The following SPECC1L variants were observed in gnomAD, a reference collection of about 807,000 sequenced individuals.
SPECC1L encodes the protein cytospin-A.
SPECC1L carries 40 observed loss-of-function variants against 116.8 expected under a neutral mutation model. The ratio of observed to expected loss-of-function variants is 0.34; its 90% CI spans 0.27 to 0.45. The LOEUF (loss-of-function observed/expected upper bound fraction) is 0.45. SPECC1L is among the 20% of genes least tolerant of loss of function. The probability of loss-of-function intolerance (pLI) is 1.00; values close to 1 mark genes in which losing one functional copy is unlikely to be tolerated. For missense variants in SPECC1L, 1,110 were observed against 1,373.6 expected, an observed-to-expected ratio of 0.81 and a Z score of 3.03; for synonymous variants, 504 against 500.6, an observed-to-expected ratio of 1.01 and a Z score of -0.09.
chr22:24,388,400 A>G (rs888138370), intron 14 of SPECC1L, among the ~76,000 whole-genome samples: 3 of 151,116 alleles, frequency 2.0e-5, no homozygotes, highest in Non-Finnish European at 4.4e-5. Context: ...CCGTGTCCCT[A>G]CAAAGGACAT....
In SPECC1L at chr22:24,292,472, C is replaced by T. The variant is rs572459076; in HGVS notation, c.-37-9723C>T. On this transcript the variant is annotated intron_variant, in intron 2 of 16. Transcript: ENST00000314328. ...ACACATGTTATTTTTTACAAGAACTCTATAAACTAGATTTTATCAGTTCTT... is the reference window on the plus strand; with the variant it reads ...ACACATGTTATTTTTTACAAGAACTTTATAAACTAGATTTTATCAGTTCTT... Among the ~76,000 whole-genome samples the T allele has an allele frequency of 5.3e-5, 8 of 152,200 alleles. No individual in the cohort carries two copies. In the South Asian group the frequency reaches 6.2e-4, roughly 12 times the overall value.
chr22:24,280,175 G>T (rs1002264326), intron 2 of SPECC1L, among the ~76,000 whole-genome samples: 1 of 152,122 alleles, frequency 6.6e-6, no homozygotes, highest in African/African-American at 2.4e-5. Flanking sequence ...GAATTGGGGG[G>T]TAATCAGCCT....
At chr22:24,354,671 T>C (rs74991397) in intron 11 of SPECC1L, among the ~76,000 whole-genome samples, 1,505 of 140,846 alleles carry the variant, frequency 0.011, 18 homozygotes, top group African/African-American at 0.037. Context: ...CTGGTTACTC[T>C]TTTTTTTTTT....
chr22:24,416,466 A>G lies in SPECC1L; in HGVS notation c.*1843A>G, dbSNP rs953255989. On this transcript the variant is annotated 3_prime_UTR_variant, in exon 17 of 17. Transcript: ENST00000314328. Reference sequence around the variant, plus strand: ...GTTGATGGCCAGCTCTGCTGTTGGCATGAGCCACTGATGTTCATGTGAGAA... The same window carrying G: ...GTTGATGGCCAGCTCTGCTGTTGGCGTGAGCCACTGATGTTCATGTGAGAA... The G allele has an allele frequency of 6.6e-6, 1 of 152,298 alleles. No individual in the cohort carries two copies. Among genetic ancestry groups the G allele is most frequent in the Non-Finnish European group, 1.5e-5 (1 of 68,086 alleles). 9.4% of individuals were successfully genotyped at this position (152,298 alleles called of 1,614,324 possible).
chr22:24,348,054 AC>A (rs1475650257), intron 11 of SPECC1L, among the ~76,000 whole-genome samples: 2 of 151,964 alleles, frequency 1.3e-5, no homozygotes, highest in Non-Finnish European at 2.9e-5. Flanking sequence ...TCCTTCTCTT[AC>A]CCCACGCTGC....
chr22:24,340,017 T>G lies in SPECC1L; in HGVS notation c.2652+1540T>G, dbSNP rs556525326. ...CCAGGCTGGTCTTGAGCTCCTGAGC[T>G]CAGGTAATCCACCTGCCTGGTCCTC... On this transcript the variant is annotated intron_variant, in intron 10 of 16. Coordinates refer to ENST00000314328, the MANE Select transcript of SPECC1L (RefSeq NM_015330.6). Among the ~76,000 whole-genome samples, 58 of 152,150 alleles carry G rather than the reference T, an allele frequency of 3.8e-4. 3 individuals carry two copies. The South Asian group carries it at 0.012, about 30-fold the overall frequency.
At position 24,295,534 on chromosome 22, in the gene SPECC1L, A is replaced by G. The variant is rs527925627; in HGVS notation, c.-37-6661A>G. ...TAGTATGATTACAACTAAGAATTTT[A>G]CTTTTACAGCTCTAATTTAATACAT... is the stretch of plus-strand genomic sequence containing the variant. On this transcript the variant is annotated intron_variant, in intron 2 of 16. Coordinates refer to ENST00000314328, the MANE Select transcript of SPECC1L (RefSeq NM_015330.6). Among the ~76,000 whole-genome samples, 52 of 151,912 alleles carry G rather than the reference A, an allele frequency of 3.4e-4. 2 individuals are homozygous for G. The highest frequency in any genetic ancestry group is 9.7e-5 in the African/African-American group (4 of 41,300).
At chr22:24,355,768 AT>A (rs1298828045) in intron 11 of SPECC1L, among the ~76,000 whole-genome samples, 14 of 151,648 alleles carry the variant, frequency 9.2e-5, no homozygotes, top group African/African-American at 3.4e-4. Flanking sequence ...AGTCAGATTA[AT>A]TTGTCATAGT....
chr22:24,275,155 CTA>C (rs1266503113), intron 1 of SPECC1L, among the ~76,000 whole-genome samples: 1 of 152,264 alleles, frequency 6.6e-6, no homozygotes, highest in African/African-American at 2.4e-5. Flanking sequence ...ATTTGGCACA[CTA>C]TGTCTCGTCT....
chr22:24,383,247 A>G (rs566067536), intron 14 of SPECC1L, among the ~76,000 whole-genome samples: 82 of 152,314 alleles, frequency 5.4e-4, no homozygotes, highest in African/African-American at 1.9e-3. Context: ...CTTAGCCTCT[A>G]TACTATTTGA....
intron 14 of SPECC1L, among the ~76,000 whole-genome samples, chr22:24,369,533 CAAAAAT>C (rs746892679): frequency 3.9e-5 from 6 of 151,932 alleles, no homozygotes; most frequent in Non-Finnish European, 5.9e-5. Context: ...CCTGTCTCTA[CAAAAAT>C]AAAAATAATA....
chr22:24,364,057 T>C (rs1239968580), intron 12 of SPECC1L, among the ~76,000 whole-genome samples: 1 of 152,156 alleles, frequency 6.6e-6, no homozygotes, highest in African/African-American at 2.4e-5. Context: ...CACCTTCTTC[T>C]GAGGTGAGAA....
At chr22:24,359,317 A>G (rs2041597042) in intron 11 of SPECC1L, among the ~76,000 whole-genome samples, 2 of 152,066 alleles carry the variant, frequency 1.3e-5, no homozygotes, top group Non-Finnish European at 1.5e-5. Flanking sequence ...GTGTGCTTAC[A>G]GTTTCGAAAC....
At chr22:24,348,071 C>T (rs2041338928) in intron 11 of SPECC1L, among the ~76,000 whole-genome samples, 1 of 152,170 alleles carries the variant, frequency 6.6e-6, no homozygotes, top group Non-Finnish European at 1.5e-5. Flanking sequence ...GCTGCCTCTT[C>T]ATGTGAGGTA....
rs772722287 is a variant in SPECC1L at position 24,321,417 on chromosome 22, A to G, written c.437A>G (p.Asn146Ser). The G allele has an allele frequency of 2.5e-6, 4 of 1,614,264 alleles. No homozygotes were observed. Among genetic ancestry groups the G allele is most frequent in the Non-Finnish European group, 3.4e-6 (4 of 1,180,038 alleles). ...KKLPSAGQGA[N>S]DMALAKRSRS... ...CTACCTTCTGCAGGTCAGGGAGCTA[A>G]TGACATGGCATTGGCCAAACGTTCC... The change falls in exon 5 of 17, where the codon AAT becomes AGT. Residue 146 changes from asparagine (N) to serine (S), a missense_variant. Asn to Ser is a conservative substitution (Grantham distance 46, BLOSUM62 1). Transcript: ENST00000314328.
chr22:24,388,850 C>T (rs143201291), intron 14 of SPECC1L, among the ~76,000 whole-genome samples: 571 of 152,264 alleles, frequency 3.8e-3, no homozygotes, highest in Non-Finnish European at 5.9e-3. Context: ...TTTACAACTC[C>T]CGTACCATAC....
chr22:24,334,112 A>G (rs2040996928), intron 8 of SPECC1L, among the ~76,000 whole-genome samples: 1 of 149,522 alleles, frequency 6.7e-6, no homozygotes, highest in African/African-American at 2.5e-5. Context: ...TCATGGGTTC[A>G]CACCATTCTC....
chr22:24,376,653 A>G (rs1355115002), intron 14 of SPECC1L, among the ~76,000 whole-genome samples: 1 of 152,182 alleles, frequency 6.6e-6, no homozygotes, highest in Non-Finnish European at 1.5e-5. Context: ...ATTTTATGCT[A>G]AGGGAAAGAA....
In SPECC1L at chr22:24,322,087, A is replaced by C; in HGVS notation, c.1107A>C (p.Ser369=). Residue 369 remains serine (S), a synonymous_variant, in exon 5 of 17, where the codon TCA becomes TCC. Transcript: ENST00000314328. ...ATGCGCTGGATGCACCATCCTCCTC[A>C]GAGTCGGAAGGCATCCCCAGCATAG... ...SDDALDAPSS[S]ESEGIPSIER... The C allele has an allele frequency of 6.2e-7, 1 of 1,614,154 alleles. No individual in the cohort carries two copies.
Sources: gnomAD v4.1 joint callset for allele counts (sites outside exome capture counted in the v4.1 genomes callset) on GRCh38, gnomAD v4.1.1 for gene constraint, MANE v1.5 for transcripts, NCBI Gene and HGNC (gene_info 2026-07-23, HGNC 2026-07-21) for gene names.